Variants in GSE1 observed in about 807,000 individuals in gnomAD.
GSE1 encodes genetic suppressor element 1.
Under a neutral mutation model 112.6 loss-of-function variants are expected in GSE1, and 32 were observed. The ratio of observed to expected loss-of-function variants is 0.28; its 90% CI spans 0.21 to 0.38. GSE1 has a LOEUF of 0.38. Ranked by LOEUF, GSE1 falls within the 10% of genes least tolerant of loss-of-function variation. GSE1 has a pLI of 1.00. For synonymous variants in GSE1, 1,115 were observed against 735.6 expected (o/e 1.52, Z -8.35); for missense variants, 2,348 against 1,699.2 (o/e 1.38, Z -6.71).
intron 2 of GSE1, among the ~76,000 whole-genome samples, chr16:85,382,865 G>A (rs887913256): frequency 6.0e-5 from 9 of 150,602 alleles, no homozygotes; most frequent in Admixed American, 3.3e-4. Flanking sequence ...TGCACACACA[G>A]CACACATGCA....
At chr16:85,209,585 C>A (rs1052016556) in intron 1 of GSE1, among the ~76,000 whole-genome samples, 2 of 152,194 alleles carry the variant, frequency 1.3e-5, no homozygotes, top group Non-Finnish European at 2.9e-5. Context: ...CCAGAAACGG[C>A]TTCTGCAGCA....
intron 1 of GSE1, among the ~76,000 whole-genome samples, chr16:85,625,166 C>T (rs562354539): frequency 3.9e-5 from 6 of 152,284 alleles, no homozygotes; most frequent in South Asian, 4.1e-4. Flanking sequence ...GGCTGCCGCC[C>T]GCATCTGCCA....
At chr16:85,626,500 A>C in intron 1 of GSE1, among the ~76,000 whole-genome samples, 1 of 152,226 alleles carries the variant, frequency 6.6e-6, no homozygotes, top group Admixed American at 6.5e-5. Context: ...TTCTGCGGTA[A>C]TGAAAAATTA....
At chr16:85,191,180 A>G (rs1033967058) in intron 1 of GSE1, among the ~76,000 whole-genome samples, 1 of 152,080 alleles carries the variant, frequency 6.6e-6, no homozygotes, top group Non-Finnish European at 1.5e-5. Flanking sequence ...GAATTGCTTG[A>G]ACCTGGGAAG....
chr16:85,302,784 T>G (rs984034776), intron 1 of GSE1, among the ~76,000 whole-genome samples: 1 of 152,220 alleles, frequency 6.6e-6, no homozygotes, highest in Non-Finnish European at 1.5e-5. Context: ...ATTCTTGGCC[T>G]TGGCCTTGTC....
upstream of GSE1, among the ~76,000 whole-genome samples, chr16:85,609,190 C>A (rs1257386499): frequency 6.6e-6 from 1 of 152,308 alleles, no homozygotes; most frequent in African/African-American, 2.4e-5. Flanking sequence ...TTGAAGTGTC[C>A]CCTCTGTCAG....
intron 1 of GSE1, chr16:85,594,384 G>A (rs1039142784): frequency 6.6e-6 from 1 of 152,214 alleles, no homozygotes. Context: ...AGTCTCCAGG[G>A]GAATTGTGGC....
intron 1 of GSE1, among the ~76,000 whole-genome samples, chr16:85,604,943 G>T (rs1285517425): frequency 7.7e-6 from 1 of 130,012 alleles, no homozygotes. Context: ...TCAGCCTCCC[G>T]AGTAGCTGGG....
At chr16:85,409,247 C>T (rs1175114345) in intron 2 of GSE1, among the ~76,000 whole-genome samples, 1 of 40,286 alleles carries the variant, frequency 2.5e-5, no homozygotes, top group Admixed American at 2.0e-4. Context: ...TCAGGCCCCC[C>T]GGATAATCCT....
At chr16:85,474,901 C>T (rs980631055) in intron 2 of GSE1, among the ~76,000 whole-genome samples, 1 of 152,156 alleles carries the variant, frequency 6.6e-6, no homozygotes, top group African/African-American at 2.4e-5. Flanking sequence ...ATTGGACAGA[C>T]CCCGTGGTAC....
intron 2 of GSE1, among the ~76,000 whole-genome samples, chr16:85,397,319 G>T (rs918064743): frequency 6.6e-6 from 1 of 152,218 alleles, no homozygotes; most frequent in Admixed American, 6.5e-5. Flanking sequence ...TGCGACCCCC[G>T]CTCCCACCCT....
chr16:85,187,231 C>T (rs1361828092), intron 1 of GSE1, among the ~76,000 whole-genome samples: 1 of 152,244 alleles, frequency 6.6e-6, no homozygotes, highest in Non-Finnish European at 1.5e-5. Context: ...ACTGTGGCTG[C>T]AGCAGCTCCA....
At chr16:85,355,008 C>T (rs1447748572) in intron 1 of GSE1, among the ~76,000 whole-genome samples, 1 of 152,232 alleles carries the variant, frequency 6.6e-6, no homozygotes, top group African/African-American at 2.4e-5. Flanking sequence ...CGCCTCCTGG[C>T]TCCAGCCTAA....
chr16:85,282,969 G>C (rs939295540), intron 1 of GSE1: 2 of 152,342 alleles, frequency 1.3e-5, no homozygotes, highest in Non-Finnish European at 2.9e-5. Context: ...TTGGACATCA[G>C]CTGGGGCTGG....
intron 1 of GSE1, among the ~76,000 whole-genome samples, chr16:85,259,091 G>T (rs904200679): frequency 6.6e-6 from 1 of 152,154 alleles, no homozygotes; most frequent in African/African-American, 2.4e-5. Flanking sequence ...GCCCGGGCAG[G>T]ATAGGGGCTC....
At chr16:85,494,715 C>T (rs920624467) in intron 2 of GSE1, among the ~76,000 whole-genome samples, 13 of 152,160 alleles carry the variant, frequency 8.5e-5, no homozygotes, top group Admixed American at 8.5e-4. Flanking sequence ...CAAATAAGGT[C>T]ACATTCTGAG....
intron 1 of GSE1, among the ~76,000 whole-genome samples, chr16:85,598,524 A>C (rs1208733959): frequency 6.6e-6 from 1 of 152,252 alleles, no homozygotes; most frequent in African/African-American, 2.4e-5. Context: ...GAATGTGCTT[A>C]AGAAAGCACC....
intron 1 of GSE1, among the ~76,000 whole-genome samples, chr16:85,196,422 G>A (rs1205806958): frequency 1.3e-5 from 2 of 152,160 alleles, no homozygotes; most frequent in African/African-American, 2.4e-5. Flanking sequence ...GAAGGGATTG[G>A]CGTCAAGTTC....
rs1327667935 is a variant in GSE1 at position 85,665,185 on chromosome 16, G to C, written c.2758+57G>C. 3 of 1,015,190 alleles carry C rather than the reference G, an allele frequency of 3.0e-6. No individual in the cohort carries two copies. In the East Asian group the frequency reaches 7.2e-5, roughly 24 times the overall value. The allele number at this position is 1,015,190 out of a possible 1,614,324, so 62.9% of individuals were successfully genotyped here. On this transcript the variant is annotated intron_variant, in intron 12 of 15. Coordinates refer to ENST00000253458, the MANE Select transcript of GSE1 (RefSeq NM_014615.5). ...CCAGGACCATCCCATGGGCTGCCCA[G>C]GCTCAGAGGCGACCACTCGAGGTCT...
Sources: allele counts gnomAD v4.1 joint callset (sites outside exome capture counted in the v4.1 genomes callset), GRCh38; gene constraint gnomAD v4.1.1; transcripts MANE v1.5; gene names NCBI Gene and HGNC (gene_info 2026-07-23, HGNC 2026-07-21).